WDR26: variants seen among roughly 807,000 people sequenced by gnomAD.
WDR26 encodes WD repeat domain 26, also known as WD repeat-containing protein 26.
A neutral mutation model predicts 84.1 loss-of-function variants in WDR26; 5 were observed. The observed-to-expected ratio is 0.06, with a 90% CI of 0.03 to 0.13. WDR26 has a LOEUF of 0.13. Ranked by LOEUF, WDR26 falls within the 10% of genes least tolerant of loss-of-function variation. The pLI, the probability that WDR26 is intolerant of heterozygous loss-of-function variation, is 1.00. For synonymous variants in WDR26, 415 were observed against 389.6 expected, an observed-to-expected ratio of 1.07 and a Z score of -0.77; for missense variants, 642 against 974.9, an observed-to-expected ratio of 0.66 and a Z score of 4.55.
intron 4 of WDR26, 26 bp downstream of exon 4, chr1:224,424,492 T>C (rs1674155887): frequency 6.2e-7 from 1 of 1,610,826 alleles, no homozygotes; most frequent in Non-Finnish European, 8.5e-7. Flanking sequence ...TCCATTAACC[T>C]GAGTTCAAGA....
At chr1:224,431,954 C>T (rs934206615) in intron 1 of WDR26, among the ~76,000 whole-genome samples, 173 bp from the exon 2 acceptor site, 2 of 152,200 alleles carry the variant, frequency 1.3e-5, no homozygotes. Flanking sequence ...CTGACACCTA[C>T]ATTTTTTCCT....
At chr1:224,395,005 C>T (rs965397035) in intron 12 of WDR26, among the ~76,000 whole-genome samples, 1 of 152,156 alleles carries the variant, frequency 6.6e-6, no homozygotes, top group Non-Finnish European at 1.5e-5. Flanking sequence ...TCAAAATCCC[C>T]TACAGCTTTC....
At chr1:224,407,151 AATATATATATAT>A (rs1335487396) in intron 7 of WDR26, among the ~76,000 whole-genome samples, 1 of 11,868 alleles carries the variant, frequency 8.4e-5, no homozygotes, top group Non-Finnish European at 1.4e-4. Context: ...AAAAAAAAAA[AATATATATATAT>A]ATATATATAA....
At chr1:224,400,290 GTTTTTT>G in intron 9 of WDR26, among the ~76,000 whole-genome samples, 1 of 146,666 alleles carries the variant, frequency 6.8e-6, no homozygotes, top group East Asian at 2.0e-4. Context: ...AAAATTCAGT[GTTTTTT>G]TTTTTTGGTT....
At chr1:224,403,077 T>C (rs1673459831) in intron 8 of WDR26, among the ~76,000 whole-genome samples, 2 of 152,156 alleles carry the variant, frequency 1.3e-5, no homozygotes, top group Admixed American at 1.3e-4. Context: ...TTTCTTTTTT[T>C]TTTTGAGATG....
At chr1:224,409,720 G>T (rs1285135555) in intron 7 of WDR26, among the ~76,000 whole-genome samples, 1 of 151,754 alleles carries the variant, frequency 6.6e-6, no homozygotes, top group African/African-American at 2.4e-5. Flanking sequence ...AAAATTAGCT[G>T]GGCGTCGTGG....
chr1:224,397,125 TG>T (rs1673288639), intron 12 of WDR26, among the ~76,000 whole-genome samples: 1 of 152,188 alleles, frequency 6.6e-6, no homozygotes, highest in South Asian at 2.1e-4. Context: ...TCTAATTCCT[TG>T]GTCTATCTTA....
At position 224,434,581 on chromosome 1, in the gene WDR26, C is replaced by T. The variant is rs866059407; in HGVS notation, c.-176G>A. 2 of 479,866 alleles carry T rather than the reference C, an allele frequency of 4.2e-6. No individual in the cohort carries two copies. Among genetic ancestry groups the T allele is most frequent in the East Asian group, 1.6e-4 (1 of 6,348 alleles). The allele number at this position is 479,866 out of a possible 1,614,324, so 29.7% of individuals were successfully genotyped here. A position where few individuals can be genotyped will look rare whatever the true frequency, so the allele number is the denominator to read the frequency against. Reference sequence around the variant, plus strand: ...AGGATCCGGGCCCTTTCCCCCCCCCCTCCCGGAGGCAGCTCGGGGTGCGCG... The same window carrying T: ...AGGATCCGGGCCCTTTCCCCCCCCCTTCCCGGAGGCAGCTCGGGGTGCGCG... On this transcript the variant is annotated 5_prime_UTR_variant, in exon 1 of 14. Transcript: ENST00000414423.
intron 8 of WDR26, 89 bp from the exon 9 acceptor site, chr1:224,401,158 C>A: frequency 1.5e-6 from 2 of 1,348,182 alleles, no homozygotes; most frequent in Non-Finnish European, 2.0e-6. Context: ...GGATGTCTGG[C>A]TGGTTTCCCA....
intron 6 of WDR26, among the ~76,000 whole-genome samples, chr1:224,412,625 T>A (rs988973679): frequency 6.6e-6 from 1 of 151,776 alleles, no homozygotes; most frequent in Non-Finnish European, 1.5e-5. Flanking sequence ...AGCACTCATT[T>A]AAAAAAAAAT....
intron 7 of WDR26, among the ~76,000 whole-genome samples, chr1:224,404,835 A>AT (rs1414810711): frequency 4.6e-5 from 7 of 152,238 alleles, no homozygotes; most frequent in Non-Finnish European, 1.0e-4. Context: ...CATTTTTAAT[A>AT]TATGTATAAA....
intron 8 of WDR26, chr1:224,401,966 AT>A (rs1673434117): frequency 6.6e-6 from 1 of 152,150 alleles, no homozygotes; most frequent in South Asian, 2.1e-4. Flanking sequence ...CTCCTGTTAC[AT>A]TTTCTGAATT....
At chr1:224,394,500 T>C (rs1673206051) in intron 12 of WDR26, among the ~76,000 whole-genome samples, 1 of 148,264 alleles carries the variant, frequency 6.7e-6, no homozygotes, top group South Asian at 2.1e-4. Context: ...GGTATTCTGC[T>C]TATCCTTTTT....
At position 224,407,177 on chromosome 1, in the gene WDR26, A is replaced by G. The variant is rs775366872; in HGVS notation, c.1459-2607T>C. The stretch of plus-strand genomic sequence containing the variant: ...ATATATATATATATATATATAACTC[A>G]AAAACTTTTATGTACATGAATGAAA... On this transcript the variant is annotated intron_variant, in intron 7 of 13. Transcript: ENST00000414423. 7.4e-4 allele frequency among the ~76,000 whole-genome samples: 73 copies of G among 99,076 alleles called. 4 individuals carry two copies. The highest frequency in any genetic ancestry group is 1.3e-3 in the Non-Finnish European group (63 of 49,822). The allele number at this position is 99,076 out of a possible 152,430, so 65.0% of individuals were successfully genotyped here.
At chr1:224,417,201 C>T (rs996864243) in intron 6 of WDR26, among the ~76,000 whole-genome samples, 2 of 152,056 alleles carry the variant, frequency 1.3e-5, no homozygotes, top group Admixed American at 1.3e-4. Flanking sequence ...TCAGAAGTTC[C>T]TCGTTATTCC....
At chr1:224,394,802 C>T (rs1420553057) in intron 12 of WDR26, among the ~76,000 whole-genome samples, 1 of 152,132 alleles carries the variant, frequency 6.6e-6, no homozygotes, top group Non-Finnish European at 1.5e-5. Context: ...GCCTGCTTAT[C>T]CTCTTAATGG....
chr1:224,416,574 G>C (rs768188811), intron 6 of WDR26, among the ~76,000 whole-genome samples: 2 of 152,112 alleles, frequency 1.3e-5, no homozygotes, highest in Non-Finnish European at 2.9e-5. Flanking sequence ...CCTGACCTGA[G>C]GGTTGGAAAA....
intron 9 of WDR26, among the ~76,000 whole-genome samples, chr1:224,400,182 G>A (rs1289277332): frequency 6.6e-6 from 1 of 151,756 alleles, no homozygotes; most frequent in Non-Finnish European, 1.5e-5. Context: ...AAATAATTAG[G>A]GCAGCTACTT....
At chr1:224,404,649 C>A in intron 7 of WDR26, 79 bp from the exon 8 acceptor site, 1 of 1,490,740 alleles carries the variant, frequency 6.7e-7, no homozygotes, top group Non-Finnish European at 9.0e-7. Flanking sequence ...TAAATAGCTA[C>A]AAAGATGTAC....
Sources: gnomAD v4.1 joint callset for allele counts (sites outside exome capture counted in the v4.1 genomes callset) on GRCh38, gnomAD v4.1.1 for gene constraint, MANE v1.5 for transcripts, NCBI Gene and HGNC (gene_info 2026-07-23, HGNC 2026-07-21) for gene names.